The following GRAMD1B variants were observed in gnomAD, a reference collection of about 807,000 sequenced individuals.
GRAMD1B encodes the protein protein Aster-B.
GRAMD1B carries 37 observed loss-of-function variants against 99.7 expected under a neutral mutation model. That is an observed-to-expected ratio of 0.37 (90% confidence interval 0.29 to 0.49). The LOEUF (loss-of-function observed/expected upper bound fraction) is 0.49. Among genes scored for constraint, GRAMD1B ranks in the 20% least tolerant of loss-of-function variants. The pLI, the probability that GRAMD1B is intolerant of heterozygous loss-of-function variation, is 0.98. For missense variants in GRAMD1B, 888 were observed against 1,009.2 expected, an observed-to-expected ratio of 0.88 and a Z score of 1.63; for synonymous variants, 427 against 387.6, an observed-to-expected ratio of 1.10 and a Z score of -1.19.
chr11:123,495,161 AAATT>A (rs1448716405), intron 2 of GRAMD1B, among the ~76,000 whole-genome samples: 1 of 152,076 alleles, frequency 6.6e-6, no homozygotes, highest in East Asian at 1.9e-4. Flanking sequence ...ACACACACAT[AAATT>A]ATGTGTGTAC....
At chr11:123,375,287 G>A (rs1180170649) in intron 1 of GRAMD1B, among the ~76,000 whole-genome samples, 1 of 152,146 alleles carries the variant, frequency 6.6e-6, no homozygotes, top group African/African-American at 2.4e-5. Flanking sequence ...AACCAGCGTG[G>A]TGGCTCACAC....
At chr11:123,516,898 A>G (rs897343541) in intron 2 of GRAMD1B, among the ~76,000 whole-genome samples, 2 of 152,186 alleles carry the variant, frequency 1.3e-5, no homozygotes, top group African/African-American at 4.8e-5. Context: ...TGCTTGGGTC[A>G]TGAACATATT....
chr11:123,476,471 G>A (rs879132039), intron 1 of GRAMD1B, among the ~76,000 whole-genome samples: 2 of 152,178 alleles, frequency 1.3e-5, no homozygotes, highest in Admixed American at 6.5e-5. Flanking sequence ...GGCCTCTGCC[G>A]AGGGTACTGG....
chr11:123,544,630 G>A (rs186263087), intron 2 of GRAMD1B, among the ~76,000 whole-genome samples: 96 of 152,322 alleles, frequency 6.3e-4, no homozygotes, highest in Non-Finnish European at 1.2e-3. Context: ...GGAGGTCCTG[G>A]GTTCCCTCCA....
intron 1 of GRAMD1B, among the ~76,000 whole-genome samples, chr11:123,394,653 G>A (rs1202193509): frequency 1.3e-5 from 2 of 152,074 alleles, no homozygotes; most frequent in Non-Finnish European, 2.9e-5. Context: ...AACTTTTTCT[G>A]GTAGTTATTT....
rs752175627 is a variant in GRAMD1B at position 123,587,840 on chromosome 11, G to T, written c.684+3508G>T. On this transcript the variant is annotated intron_variant, in intron 4 of 19. Transcript: ENST00000635736. This position sits in a 1 kb window ranked among gnomAD's most constrained non-coding sequence, Gnocchi z 4.2. ...TAGGAATGGAATCCAGGGTGTTGGG[G>T]TTGGGCAGCGGAGAGGGTAGGAGAC... is the stretch of plus-strand genomic sequence containing the variant. Among the ~76,000 whole-genome samples the T allele has an allele frequency of 3.9e-4, 59 of 152,268 alleles. No homozygotes were observed. Among genetic ancestry groups the T allele is most frequent in the Non-Finnish European group, 4.4e-4 (30 of 68,016 alleles).
chr11:123,578,445 G>T lies in GRAMD1B; in HGVS notation c.663+868G>T, dbSNP rs1201222844. The stretch of plus-strand genomic sequence containing the variant: ...GCCTCTCAAAAGTAAGCCATCTTTT[G>T]TCTCTGTCCTTTTATCTCCCCTCTA... On this transcript the variant is annotated intron_variant, in intron 3 of 19. Transcript: ENST00000635736. 9.9e-6 allele frequency: 15 copies of T among 1,519,102 alleles called. No individual in the cohort carries two copies. In the East Asian group the frequency reaches 3.4e-4, roughly 35 times the overall value. 94.1% of individuals were successfully genotyped at this position (1,519,102 alleles called of 1,614,324 possible). A position where few individuals can be genotyped will look rare whatever the true frequency, so the allele number is the denominator to read the frequency against.
Position 123,430,954 on chromosome 11 carries a change from G to A in GRAMD1B, c.162G>A (p.Gln54=). Residue 54 remains glutamine (Q), a synonymous_variant, in exon 1 of 20, where the codon CAG becomes CAA. Coordinates refer to ENST00000635736, the MANE Select transcript of GRAMD1B (RefSeq NM_001387025.1). The part of the protein sequence containing the change: ...KMRRMKNVQE[Q]SLEAGLARDL... ...GCCGCATGAAGAACGTACAGGAGCAGAGCCTGGAGGCCGGGCTGGCCCGGG... is the reference window on the plus strand; with the variant it reads ...GCCGCATGAAGAACGTACAGGAGCAAAGCCTGGAGGCCGGGCTGGCCCGGG... 1.4e-6 allele frequency: 1 copy of A among 702,874 alleles called. No homozygotes were observed. The highest frequency in any genetic ancestry group is 1.5e-5 in the South Asian group (1 of 67,596). 43.5% of individuals were successfully genotyped at this position (702,874 alleles called of 1,614,324 possible).
chr11:123,431,247 G>T, intron 1 of GRAMD1B, 81 bp downstream of exon 1: 1 of 613,332 alleles, frequency 1.6e-6, no homozygotes, highest in Non-Finnish European at 2.9e-6. Context: ...CATTCTGGGG[G>T]AAACGTCCTG....
intron 1 of GRAMD1B, among the ~76,000 whole-genome samples, chr11:123,448,444 G>A (rs1223030850): frequency 6.6e-6 from 1 of 151,906 alleles, no homozygotes; most frequent in Non-Finnish European, 1.5e-5. Context: ...GGTCTCATAC[G>A]CTTGGTCTCA....
chr11:123,509,373 G>T (rs1940751096), intron 2 of GRAMD1B, among the ~76,000 whole-genome samples: 1 of 152,216 alleles, frequency 6.6e-6, no homozygotes, highest in African/African-American at 2.4e-5. Flanking sequence ...GCTGTTGGGG[G>T]AAAATGATAG....
chr11:123,428,482 T>A (rs1317337914), upstream of GRAMD1B, among the ~76,000 whole-genome samples: 1 of 151,838 alleles, frequency 6.6e-6, no homozygotes, highest in Non-Finnish European at 1.5e-5. Context: ...TTCCAGGGAG[T>A]CATTTATGGG....
chr11:123,369,043 C>T (rs1233552049), intron 1 of GRAMD1B, among the ~76,000 whole-genome samples: 1 of 152,074 alleles, frequency 6.6e-6, no homozygotes, highest in East Asian at 1.9e-4. Flanking sequence ...ACCTGTAATC[C>T]CAGCACTTTG....
At chr11:123,524,472 CTG>C (rs1942502395) in intron 2 of GRAMD1B, among the ~76,000 whole-genome samples, 1 of 152,036 alleles carries the variant, frequency 6.6e-6, no homozygotes, top group East Asian at 1.9e-4. Flanking sequence ...CCCCGAGTAA[CTG>C]GGATTACAAG....
At chr11:123,429,170 G>C (rs555294715), upstream of GRAMD1B, among the ~76,000 whole-genome samples, 2 of 152,246 alleles carry the variant, frequency 1.3e-5, no homozygotes, top group South Asian at 4.2e-4. The surrounding 1 kb of genome is among the most constrained non-coding windows in gnomAD (Gnocchi z 4.0). Flanking sequence ...TCCAGCCTGG[G>C]CAACAGAGTG....
chr11:123,484,612 A>G (rs1414326345), intron 2 of GRAMD1B, among the ~76,000 whole-genome samples: 2 of 152,086 alleles, frequency 1.3e-5, no homozygotes. Context: ...GAGTATGAGG[A>G]ACAGAGAGAA....
At chr11:123,484,843 G>A (rs1591672094) in intron 2 of GRAMD1B, among the ~76,000 whole-genome samples, 1 of 152,150 alleles carries the variant, frequency 6.6e-6, no homozygotes, top group African/African-American at 2.4e-5. Flanking sequence ...CTTACGCTCT[G>A]CACCTAATTC....
intron 1 of GRAMD1B, among the ~76,000 whole-genome samples, chr11:123,455,428 G>A (rs991263037): frequency 1.4e-4 from 22 of 152,142 alleles, no homozygotes; most frequent in Non-Finnish European, 3.2e-4. Context: ...CGCCTGGCCA[G>A]ATTTTACAAG....
At chr11:123,471,804 T>C (rs1000903766) in intron 1 of GRAMD1B, among the ~76,000 whole-genome samples, 1 of 152,190 alleles carries the variant, frequency 6.6e-6, no homozygotes, top group Non-Finnish European at 1.5e-5. Context: ...TTTTTAAGCT[T>C]TTTAAAAATA....
Sources: gnomAD v4.1 joint callset for allele counts (sites outside exome capture counted in the v4.1 genomes callset) on GRCh38, gnomAD v4.1.1 for gene constraint, Gnocchi (gnomAD v3.1) non-coding constraint, MANE v1.5 for transcripts, NCBI Gene and HGNC (gene_info 2026-07-23, HGNC 2026-07-21) for gene names.